Variants in SKAP1 observed in about 807,000 individuals in gnomAD.
SKAP1 encodes the protein src kinase associated phosphoprotein 1.
Under a neutral mutation model 58.5 loss-of-function variants are expected in SKAP1, and 44 were observed. That is an observed-to-expected ratio of 0.75 (90% confidence interval 0.59 to 0.97). The LOEUF is 0.97. Among genes scored for constraint, SKAP1 ranks in the 50% least tolerant of loss-of-function variants. The pLI is 0.00. For missense variants in SKAP1, 390 were observed against 435.2 expected, an observed-to-expected ratio of 0.90 and a Z score of 0.92; for synonymous variants, 127 against 149.7, an observed-to-expected ratio of 0.85 and a Z score of 1.11.
the SKAP1 span, among the ~76,000 whole-genome samples, chr17:48,444,284 C>A: frequency 3.9e-5 from 6 of 152,136 alleles, no homozygotes; most frequent in African/African-American, 1.4e-4. Flanking sequence ...ATCCCAGTAA[C>A]AGGGGCTGAG....
chr17:48,405,450 T>TTTCCTTTC (rs1441641292), intron 1 of SKAP1, among the ~76,000 whole-genome samples: 4,794 of 94,082 alleles, frequency 0.051, 170 homozygotes, highest in Middle Eastern at 0.086. Flanking sequence ...TCTTTCTTTC[T>TTTCCTTTC]TTTCTTTCTT....
intron 12 of SKAP1, among the ~76,000 whole-genome samples, chr17:48,134,537 C>G (rs926928775): frequency 1.3e-5 from 2 of 151,662 alleles, no homozygotes; most frequent in South Asian, 2.1e-4. Flanking sequence ...AGGCTGGTCT[C>G]GAACTCCTGA....
intron 4 of SKAP1, among the ~76,000 whole-genome samples, chr17:48,237,540 T>G (rs971924059): frequency 6.6e-6 from 1 of 152,196 alleles, no homozygotes; most frequent in Non-Finnish European, 1.5e-5. Flanking sequence ...TGAGAGGTCA[T>G]TTAAGTATTT....
intron 4 of SKAP1, among the ~76,000 whole-genome samples, chr17:48,274,838 G>A (rs926322630): frequency 2.6e-5 from 4 of 152,094 alleles, no homozygotes; most frequent in African/African-American, 9.7e-5. Context: ...CACAGTGCCT[G>A]GCTCCAGTGA....
In SKAP1 at chr17:48,157,394, C is replaced by G. The variant is rs1238482004; in HGVS notation, c.978+5075G>C. Among the ~76,000 whole-genome samples, 5 of 152,200 alleles carry G rather than the reference C, an allele frequency of 3.3e-5. No individual in the cohort carries two copies. The East Asian group carries it at 9.6e-4, about 29-fold the overall frequency. ...GGGATTACAGGTACCTGCCACCACA[C>G]CCAGCTAATTTTTGTATTTTAGTAG... On this transcript the variant is annotated intron_variant, in intron 11 of 12. Transcript: ENST00000336915.
intron 4 of SKAP1, among the ~76,000 whole-genome samples, chr17:48,195,133 C>A (rs1246628715): frequency 1.3e-5 from 2 of 152,178 alleles, no homozygotes; most frequent in African/African-American, 4.8e-5. Flanking sequence ...GATTTCAAAT[C>A]TGTTCATGAA....
At chr17:48,247,595 C>T (rs992631904) in intron 4 of SKAP1, among the ~76,000 whole-genome samples, 3 of 152,074 alleles carry the variant, frequency 2.0e-5, no homozygotes, top group African/African-American at 7.2e-5. Context: ...TATCATTTCA[C>T]GTGTATTTTT....
chr17:48,362,987 A>T (rs1202943732), intron 3 of SKAP1, among the ~76,000 whole-genome samples: 1 of 152,226 alleles, frequency 6.6e-6, no homozygotes, highest in Non-Finnish European at 1.5e-5. Flanking sequence ...CATTTATAAT[A>T]AATTAAGATA....
At chr17:48,318,089 A>C (rs2066313204) in intron 4 of SKAP1, among the ~76,000 whole-genome samples, 1 of 152,224 alleles carries the variant, frequency 6.6e-6, no homozygotes, top group Admixed American at 6.5e-5. Flanking sequence ...TTTAGATTTC[A>C]TGTAAAGCAC....
chr17:48,421,021 AAGC>A (rs1306960705), intron 1 of SKAP1, among the ~76,000 whole-genome samples: 2 of 152,188 alleles, frequency 1.3e-5, no homozygotes, highest in African/African-American at 4.8e-5. Context: ...AGCAGCAGGG[AAGC>A]CTGGAGGGAA....
At chr17:48,414,605 T>C (rs2067709972) in intron 1 of SKAP1, among the ~76,000 whole-genome samples, 1 of 152,188 alleles carries the variant, frequency 6.6e-6, no homozygotes, top group Non-Finnish European at 1.5e-5. Flanking sequence ...AATTCATAGC[T>C]GCCCTAAAAC....
At chr17:48,326,892 T>TC (rs1025986959) in intron 4 of SKAP1, among the ~76,000 whole-genome samples, 1 of 146,124 alleles carries the variant, frequency 6.8e-6, no homozygotes, top group African/African-American at 2.5e-5. Context: ...TTTCTTTCTT[T>TC]TTTTTTTTTT....
At position 48,356,752 on chromosome 17, in the gene SKAP1, G is replaced by A. The variant is rs1177256927; in HGVS notation, c.178+7037C>T. On this transcript the variant is annotated intron_variant, in intron 3 of 12. Transcript: ENST00000336915. ...TTAAAAAATAATACATGCACATGGT[G>A]AAAATTCAAATAGTACCAAAGAATA... Among the ~76,000 whole-genome samples, 5 of 152,108 alleles carry A rather than the reference G, an allele frequency of 3.3e-5. No individual in the cohort carries two copies. The South Asian group carries it at 6.2e-4, about 19-fold the overall frequency.
chr17:48,142,666 TACA>T (rs1446227507), intron 11 of SKAP1, among the ~76,000 whole-genome samples: 2 of 152,202 alleles, frequency 1.3e-5, no homozygotes, highest in Non-Finnish European at 2.9e-5. Context: ...TGGCTCCTTA[TACA>T]ACAATAAGAG....
At chr17:48,291,340 C>A (rs2065894575) in intron 4 of SKAP1, among the ~76,000 whole-genome samples, 1 of 152,096 alleles carries the variant, frequency 6.6e-6, no homozygotes, top group Non-Finnish European at 1.5e-5. Flanking sequence ...TCTCTCTGTT[C>A]TCTTTCTTGT....
chr17:48,138,803 A>T (rs771068231), intron 11 of SKAP1, among the ~76,000 whole-genome samples: 13 of 152,098 alleles, frequency 8.5e-5, no homozygotes, highest in Non-Finnish European at 1.8e-4. Flanking sequence ...GGCGTGAGCC[A>T]CTGTGCCCAC....
rs71141977 is a variant in SKAP1, at chr17:48,252,713, AGTGTGTGTGTGT to A, written c.281-63225_281-63214del. Among the ~76,000 whole-genome samples, 211 of 145,130 alleles carry A rather than the reference AGTGTGTGTGTGT, an allele frequency of 1.5e-3. 2 individuals carry two copies. Among genetic ancestry groups the A allele is most frequent in the Middle Eastern group, 3.6e-3 (1 of 278 alleles). On this transcript the variant is annotated intron_variant, in intron 4 of 12. Transcript: ENST00000336915. ...ATAAAAATGGCCAAAGCTCTAAGCT[AGTGTGTGTGTGT>A]GTGTGTGTGTGTGTGTGTGTGTGTG... is the stretch of plus-strand genomic sequence containing the variant.
chr17:48,152,686 GTTAGTT>G (rs1199203638), intron 11 of SKAP1, among the ~76,000 whole-genome samples: 1 of 152,128 alleles, frequency 6.6e-6, no homozygotes, highest in African/African-American at 2.4e-5. Flanking sequence ...GCCTTCACCG[GTTAGTT>G]TTAAAGATTT....
At chr17:48,170,883 T>C (rs968369444) in intron 9 of SKAP1, among the ~76,000 whole-genome samples, 2 of 151,934 alleles carry the variant, frequency 1.3e-5, no homozygotes, top group African/African-American at 4.8e-5. Context: ...ATTTTTGTAT[T>C]TTTAGTAGAG....
Sources: gnomAD v4.1 joint callset for allele counts (sites outside exome capture counted in the v4.1 genomes callset) on GRCh38, gnomAD v4.1.1 for gene constraint, MANE v1.5 for transcripts, NCBI Gene and HGNC (gene_info 2026-07-23, HGNC 2026-07-21) for gene names.